SNTG2: variants seen among roughly 807,000 people sequenced by gnomAD.
SNTG2 encodes the protein syntrophin gamma 2, also known as gamma-2-syntrophin.
Under a neutral mutation model 70.9 loss-of-function variants are expected in SNTG2, and 74 were observed. That is an observed-to-expected ratio of 1.04 (90% CI 0.86 to 1.27). SNTG2 has a LOEUF of 1.27. Among genes scored for constraint, SNTG2 ranks in the 50% most tolerant of loss-of-function variants. The pLI is 0.00. For synonymous variants in SNTG2, 278 were observed against 273.8 expected (o/e 1.02, Z -0.15); for missense variants, 717 against 690.7 (o/e 1.04, Z -0.43).
intron 4 of SNTG2, among the ~76,000 whole-genome samples, chr2:1,112,565 A>T (rs1022493936): frequency 6.6e-6 from 1 of 151,136 alleles, no homozygotes; most frequent in African/African-American, 2.4e-5. Context: ...AGTGAGGTGT[A>T]ACCCTTACAG....
At chr2:1,095,379 T>A (rs952631143) in intron 2 of SNTG2, among the ~76,000 whole-genome samples, 4 of 152,228 alleles carry the variant, frequency 2.6e-5, no homozygotes, top group Non-Finnish European at 4.4e-5. Flanking sequence ...AGTACAAATG[T>A]ACACAGAAAG....
intron 16 of SNTG2, among the ~76,000 whole-genome samples, chr2:1,364,648 C>T (rs1312286026): frequency 1.3e-5 from 2 of 149,502 alleles, no homozygotes; most frequent in African/African-American, 2.5e-5. Context: ...GTCCCAGCTA[C>T]TTGGGAGGCC....
intron 14 of SNTG2, among the ~76,000 whole-genome samples, chr2:1,281,929 A>G (rs115541045): frequency 6.6e-6 from 1 of 152,088 alleles, no homozygotes; most frequent in Admixed American, 6.5e-5. Context: ...GAGGAGGTGG[A>G]TGGGCTCACG....
intron 8 of SNTG2, among the ~76,000 whole-genome samples, chr2:1,205,463 G>C (rs1673574336): frequency 6.6e-6 from 1 of 152,108 alleles, no homozygotes; most frequent in South Asian, 2.1e-4. Flanking sequence ...AAGAACCAGA[G>C]CTGGGAGAAT....
At chr2:1,281,990 A>G (rs1214360380) in intron 14 of SNTG2, among the ~76,000 whole-genome samples, 3 of 152,248 alleles carry the variant, frequency 2.0e-5, no homozygotes, top group Admixed American at 6.5e-5. Context: ...CTATAGGAAA[A>G]TCTCCTGACT....
intron 4 of SNTG2, among the ~76,000 whole-genome samples, chr2:1,117,189 A>G (rs1273227575): frequency 6.6e-6 from 1 of 152,070 alleles, no homozygotes; most frequent in African/African-American, 2.4e-5. Flanking sequence ...TTATTTTCCA[A>G]AAGTTAGGTA....
At chr2:1,058,848 C>T (rs1159925555) in intron 1 of SNTG2, among the ~76,000 whole-genome samples, 2 of 152,220 alleles carry the variant, frequency 1.3e-5, no homozygotes, top group African/African-American at 4.8e-5. Context: ...ATGAACTGAG[C>T]TTCCCTGTGC....
intron 9 of SNTG2, among the ~76,000 whole-genome samples, chr2:1,225,672 C>A (rs1675724743): frequency 6.6e-6 from 1 of 152,200 alleles, no homozygotes; most frequent in Admixed American, 6.5e-5. Flanking sequence ...CAGTGTGGGA[C>A]AAAGCTCCAC....
intron 11 of SNTG2, among the ~76,000 whole-genome samples, chr2:1,244,418 C>T (rs748464485): frequency 7.9e-5 from 12 of 152,018 alleles, no homozygotes; most frequent in Non-Finnish European, 1.2e-4. Context: ...GTTTGCAGGC[C>T]GGGCGCGGGG....
At chr2:1,185,994 T>C (rs967661564) in intron 8 of SNTG2, among the ~76,000 whole-genome samples, 5 of 152,222 alleles carry the variant, frequency 3.3e-5, no homozygotes, top group African/African-American at 1.2e-4. Context: ...TACTTTTACA[T>C]CATTTTTTTG....
intron 1 of SNTG2, among the ~76,000 whole-genome samples, chr2:1,037,882 T>A (rs1177762941): frequency 3.3e-5 from 5 of 152,218 alleles, no homozygotes; most frequent in Admixed American, 2.0e-4. Flanking sequence ...TTGGCTGTTA[T>A]GAATCCTGAG....
chr2:956,792 C>T (rs1572161674), intron 1 of SNTG2, among the ~76,000 whole-genome samples: 2 of 152,226 alleles, frequency 1.3e-5, no homozygotes, highest in African/African-American at 2.4e-5. Flanking sequence ...GTATGTGTTT[C>T]TATGAACTAG....
At chr2:987,725 A>G (rs1026037381) in intron 1 of SNTG2, among the ~76,000 whole-genome samples, 1 of 152,160 alleles carries the variant, frequency 6.6e-6, no homozygotes. Context: ...TAGGAAACCA[A>G]GGGGAGGCTG....
At chr2:1,238,476 A>G (rs921090017) in intron 10 of SNTG2, among the ~76,000 whole-genome samples, 3 of 152,248 alleles carry the variant, frequency 2.0e-5, no homozygotes, top group Non-Finnish European at 4.4e-5. Context: ...TTACTTCTCA[A>G]ATTTGTACTG....
intron 12 of SNTG2, among the ~76,000 whole-genome samples, chr2:1,248,750 G>C (rs1677587281): frequency 6.6e-6 from 1 of 152,138 alleles, no homozygotes; most frequent in African/African-American, 2.4e-5. Context: ...ACCCAACCTG[G>C]ACCACGTACC....
At chr2:967,639 A>T (rs1660611037) in intron 1 of SNTG2, among the ~76,000 whole-genome samples, 1 of 152,120 alleles carries the variant, frequency 6.6e-6, no homozygotes, top group Non-Finnish European at 1.5e-5. Context: ...TTCTACATTC[A>T]CGTTGGATGT....
intron 8 of SNTG2, among the ~76,000 whole-genome samples, chr2:1,182,358 T>A (rs1671963644): frequency 1.7e-5 from 1 of 60,582 alleles, no homozygotes; most frequent in Non-Finnish European, 3.6e-5. Context: ...ACTTAAAAAT[T>A]TCAAAAAAAA....
intron 1 of SNTG2, among the ~76,000 whole-genome samples, chr2:1,022,878 G>C (rs574250200): frequency 6.6e-6 from 1 of 152,272 alleles, no homozygotes; most frequent in East Asian, 1.9e-4. Context: ...CATAGACCTT[G>C]AGAAACAAGG....
intron 2 of SNTG2, among the ~76,000 whole-genome samples, chr2:1,091,939 A>C (rs141292287): frequency 1.8e-4 from 27 of 152,254 alleles, no homozygotes; most frequent in Middle Eastern, 3.4e-3. Flanking sequence ...CCTATTTAGG[A>C]AATTTTATTT....
Sources: allele counts gnomAD v4.1 joint callset (sites outside exome capture counted in the v4.1 genomes callset), GRCh38; gene constraint gnomAD v4.1.1; transcripts MANE v1.5; gene names NCBI Gene and HGNC (gene_info 2026-07-23, HGNC 2026-07-21).